The following CPNE4 variants were observed in gnomAD, a reference collection of about 807,000 sequenced individuals.
CPNE4 encodes copine-4.
Under a neutral mutation model 67.9 loss-of-function variants are expected in CPNE4, and 25 were observed. That is an observed-to-expected ratio of 0.37 (90% confidence interval 0.27 to 0.51). CPNE4 has a LOEUF of 0.51. Among genes scored for constraint, CPNE4 ranks in the 20% least tolerant of loss-of-function variants. The pLI, the probability that CPNE4 is intolerant of heterozygous loss-of-function variation, is 0.93. For synonymous variants in CPNE4, 242 were observed against 244.9 expected, an observed-to-expected ratio of 0.99 and a Z score of 0.11; for missense variants, 464 against 690.8, an observed-to-expected ratio of 0.67 and a Z score of 3.68.
chr3:131,801,383 A>G (rs2084105313), intron 2 of CPNE4, among the ~76,000 whole-genome samples: 3 of 95,190 alleles, frequency 3.2e-5, no homozygotes, highest in Admixed American at 1.3e-4. Context: ...ATATATATAT[A>G]TATGGTACAT....
chr3:131,896,350 A>G (rs2088331822), intron 2 of CPNE4, among the ~76,000 whole-genome samples: 1 of 152,080 alleles, frequency 6.6e-6, no homozygotes, highest in Admixed American at 6.6e-5. Flanking sequence ...TAGCATCACA[A>G]CAAACACAAA....
chr3:131,956,524 A>G (rs1489799005), intron 1 of CPNE4, among the ~76,000 whole-genome samples: 1 of 152,200 alleles, frequency 6.6e-6, no homozygotes, highest in Non-Finnish European at 1.5e-5. Context: ...CATTACTTGT[A>G]ATCCAGTAAA....
chr3:131,956,705 C>G (rs2071984806), intron 1 of CPNE4, among the ~76,000 whole-genome samples: 1 of 152,092 alleles, frequency 6.6e-6, no homozygotes. Flanking sequence ...CTATCCATCC[C>G]ATTGGTTTCC....
At chr3:132,023,576 CT>C (rs1243537972) in intron 1 of CPNE4, among the ~76,000 whole-genome samples, 1 of 149,192 alleles carries the variant, frequency 6.7e-6, no homozygotes, top group Non-Finnish European at 1.5e-5. Flanking sequence ...CAAGCTCCGC[CT>C]CCCGGGTTCA....
At chr3:131,595,908 T>C (rs1938814633) in intron 7 of CPNE4, among the ~76,000 whole-genome samples, 1 of 152,180 alleles carries the variant, frequency 6.6e-6, no homozygotes, top group Non-Finnish European at 1.5e-5. Context: ...ACTGCATGAT[T>C]CCACTTAAAT....
In CPNE4 at chr3:131,721,486, TC is replaced by T. The variant is rs1254613506; in HGVS notation, c.360+1959del. Among the ~76,000 whole-genome samples the T allele has an allele frequency of 3.3e-5, 5 of 150,450 alleles. No homozygotes were observed. In the Admixed American group the frequency reaches 3.3e-4, roughly 10 times the overall value. Reference sequence around the variant, plus strand: ...TCTCGGCTCACTGCAAGCTCCGCCTTCCGGGTTCACGCCATCCTCCTGCCTC... The same window carrying T: ...TCTCGGCTCACTGCAAGCTCCGCCTTCGGGTTCACGCCATCCTCCTGCCTC... On this transcript the variant is annotated intron_variant, in intron 3 of 15. Coordinates refer to ENST00000429747, the MANE Select transcript of CPNE4 (RefSeq NM_130808.3).
intron 2 of CPNE4, among the ~76,000 whole-genome samples, chr3:131,730,729 CCAAGAAATG>C (rs2107760076): frequency 6.6e-6 from 1 of 152,218 alleles, no homozygotes; most frequent in East Asian, 1.9e-4. Flanking sequence ...TCAGCACAAG[CCAAGAAATG>C]CCAAAGATTT....
At chr3:131,573,407 T>C (rs1032055902) in intron 10 of CPNE4, among the ~76,000 whole-genome samples, 3 of 151,990 alleles carry the variant, frequency 2.0e-5, no homozygotes, top group Non-Finnish European at 2.9e-5. Flanking sequence ...GGGAGAACAA[T>C]GCAGGGCACA....
At chr3:131,654,964 A>G (rs1263558919) in intron 7 of CPNE4, among the ~76,000 whole-genome samples, 1 of 152,238 alleles carries the variant, frequency 6.6e-6, no homozygotes, top group African/African-American at 2.4e-5. Context: ...AGATGACTCC[A>G]AAGCTTTCTT....
chr3:131,808,182 C>T (rs530782273), intron 2 of CPNE4, among the ~76,000 whole-genome samples: 2 of 152,202 alleles, frequency 1.3e-5, no homozygotes, highest in African/African-American at 4.8e-5. Flanking sequence ...ACGGAATGTC[C>T]ATCATTCAAT....
intron 2 of CPNE4, among the ~76,000 whole-genome samples, chr3:131,846,552 T>C (rs370290751): frequency 1.3e-5 from 2 of 152,148 alleles, no homozygotes; most frequent in African/African-American, 4.8e-5. Context: ...AAAATAGATG[T>C]AGTAAGAGTG....
At chr3:132,028,629 C>T (rs774828388) in intron 1 of CPNE4, among the ~76,000 whole-genome samples, 47 of 152,122 alleles carry the variant, frequency 3.1e-4, no homozygotes, top group Non-Finnish European at 6.5e-4. Flanking sequence ...GTGTGCCAAG[C>T]ATTGTATATA....
At chr3:131,643,437 C>T (rs1487940121) in intron 7 of CPNE4, among the ~76,000 whole-genome samples, 5 of 152,196 alleles carry the variant, frequency 3.3e-5, no homozygotes, top group African/African-American at 1.2e-4. Context: ...TGCCTGTACC[C>T]TCATTGCATC....
At chr3:131,918,373 C>T (rs1375768544) in intron 1 of CPNE4, among the ~76,000 whole-genome samples, 1 of 152,140 alleles carries the variant, frequency 6.6e-6, no homozygotes, top group East Asian at 1.9e-4. Context: ...CGAGTATGTG[C>T]TGAGAACCAT....
At chr3:131,546,344 T>C (rs1935834631) in intron 14 of CPNE4, among the ~76,000 whole-genome samples, 2 of 152,266 alleles carry the variant, frequency 1.3e-5, no homozygotes, top group Middle Eastern at 3.4e-3. Context: ...GGATGAAATA[T>C]TATAGTCTTT....
At chr3:131,971,519 G>A (rs760594869) in intron 1 of CPNE4, among the ~76,000 whole-genome samples, 17 of 152,152 alleles carry the variant, frequency 1.1e-4, no homozygotes, top group African/African-American at 2.4e-4. Context: ...CATTTAACAA[G>A]CAAAAAGTAA....
chr3:132,019,592 GAAT>G (rs1403020495), intron 1 of CPNE4, among the ~76,000 whole-genome samples: 2 of 152,072 alleles, frequency 1.3e-5, no homozygotes, highest in African/African-American at 4.8e-5. Flanking sequence ...TTTAAAAACA[GAAT>G]AATAAAGGCA....
intron 1 of CPNE4, among the ~76,000 whole-genome samples, chr3:131,919,809 C>T (rs898045029): frequency 2.0e-5 from 3 of 152,040 alleles, no homozygotes; most frequent in Admixed American, 6.6e-5. Flanking sequence ...TCTTTAACAT[C>T]GAACTAGGTG....
At chr3:131,881,663 A>G (rs1262905820) in intron 2 of CPNE4, among the ~76,000 whole-genome samples, 1 of 152,076 alleles carries the variant, frequency 6.6e-6, no homozygotes, top group Non-Finnish European at 1.5e-5. Flanking sequence ...GTATTATTAT[A>G]TTTTGTTGTT....
Sources: gnomAD v4.1 joint callset for allele counts (sites outside exome capture counted in the v4.1 genomes callset) on GRCh38, gnomAD v4.1.1 for gene constraint, MANE v1.5 for transcripts, NCBI Gene and HGNC (gene_info 2026-07-23, HGNC 2026-07-21) for gene names.